POLA2: variants seen among roughly 807,000 people sequenced by gnomAD.
POLA2 encodes the protein DNA polymerase alpha 2, accessory subunit.
Under a neutral mutation model 82.8 loss-of-function variants are expected in POLA2, and 47 were observed. The ratio of observed to expected loss-of-function variants is 0.57; its 90% CI spans 0.45 to 0.72. The LOEUF (loss-of-function observed/expected upper bound fraction) is 0.72. POLA2 is among the 30% of genes least tolerant of loss of function. The probability of loss-of-function intolerance (pLI) is 0.00; values close to 1 mark genes in which losing one functional copy is unlikely to be tolerated. For missense variants in POLA2, 634 were observed against 728.1 expected (o/e 0.87, Z 1.49); for synonymous variants, 287 against 286.8 (o/e 1.00, Z -0.01).
chr11:65,282,837 C>T (rs1441686960), intron 10 of POLA2, among the ~76,000 whole-genome samples: 2 of 152,188 alleles, frequency 1.3e-5, no homozygotes, highest in East Asian at 3.9e-4. Context: ...AATTTATTTA[C>T]ATGCAGCATG....
chr11:65,273,955 T>C (rs1236547306), intron 4 of POLA2, among the ~76,000 whole-genome samples: 4 of 152,188 alleles, frequency 2.6e-5, no homozygotes, highest in Non-Finnish European at 1.5e-5. Context: ...GCCAAATCAC[T>C]TTTCACCTGA....
Position 65,266,562 on chromosome 11 carries a change from T to C in POLA2, c.80-20T>C. ...GAGAAATGAACTAAGTTTTTACTTG[T>C]CCAATTTTCCTTTCTACAGTGGTAG... is the stretch of plus-strand genomic sequence containing the variant. On this transcript the variant is annotated intron_variant, in intron 1 of 17. Transcript: ENST00000265465. 3 of 1,612,988 alleles carry C rather than the reference T, an allele frequency of 1.9e-6. No individual in the cohort carries two copies. Among genetic ancestry groups the C allele is most frequent in the Non-Finnish European group, 2.5e-6 (3 of 1,179,354 alleles).
intron 12 of POLA2, 110 bp downstream of exon 12, chr11:65,289,198 T>C: frequency 1.3e-6 from 1 of 794,890 alleles, no homozygotes; most frequent in Non-Finnish European, 2.0e-6. Context: ...TTAAGTCCTG[T>C]GGCTAATCAG....
At chr11:65,296,103 T>A in intron 17 of POLA2, 113 bp downstream of exon 17, 1 of 1,158,078 alleles carries the variant, frequency 8.6e-7, no homozygotes, top group Non-Finnish European at 1.3e-6. Context: ...ATGGGGCCTC[T>A]AGCACCCTGC....
chr11:65,300,076 C>A (rs1949851458), downstream of POLA2, among the ~76,000 whole-genome samples: 2 of 152,212 alleles, frequency 1.3e-5, no homozygotes, highest in Admixed American at 6.5e-5. Flanking sequence ...ATTTTCATCA[C>A]CCCAAAGGAA....
At chr11:65,285,052 T>A (rs1565483874) in intron 10 of POLA2, among the ~76,000 whole-genome samples, 1 of 152,100 alleles carries the variant, frequency 6.6e-6, no homozygotes, top group Admixed American at 6.6e-5. Context: ...GGAGGATTGC[T>A]TGACCACAGG....
chr11:65,296,967 A>G (rs980359644), intron 17 of POLA2, among the ~76,000 whole-genome samples, 153 bp from the exon 18 acceptor site: 3 of 151,224 alleles, frequency 2.0e-5, no homozygotes, highest in Admixed American at 1.3e-4. Flanking sequence ...AAAAAAAAAA[A>G]GTGACTGAAA....
chr11:65,273,694 A>C (rs1565473000), intron 4 of POLA2, among the ~76,000 whole-genome samples: 1 of 151,970 alleles, frequency 6.6e-6, no homozygotes, highest in Admixed American at 6.6e-5. Context: ...GGGTGTCACT[A>C]TGTTGCTCAG....
Position 65,281,129 on chromosome 11 carries a change from T to G in POLA2, c.882T>G (p.Tyr294Ter), listed in dbSNP as rs373645442. The G allele has an allele frequency of 6.2e-7, 1 of 1,614,040 alleles. No individual in the cohort carries two copies. Among genetic ancestry groups the G allele is most frequent in the African/African-American group, 1.3e-5 (1 of 74,934 alleles). ...TGGATTTATCTGAGCTTAAGGAATATTCTCTGTTTCCTGGACAGGTGAGAT... is the reference window on the plus strand; with the variant it reads ...TGGATTTATCTGAGCTTAAGGAATAGTCTCTGTTTCCTGGACAGGTGAGAT... ...IPVDLSELKE[Y>*]SLFPGQVVIM... The change falls in exon 8 of 18, where the codon TAT becomes TAG. Residue 294 changes from tyrosine to a stop codon, truncating the protein, a stop_gained. Coordinates refer to ENST00000265465, the MANE Select transcript of POLA2 (RefSeq NM_002689.4). LOFTEE classifies it high-confidence loss of function.
intron 13 of POLA2, 30 bp from the exon 14 acceptor site, chr11:65,294,123 A>G (rs775693017): frequency 6.3e-7 from 1 of 1,584,426 alleles, no homozygotes; most frequent in Admixed American, 1.7e-5. Flanking sequence ...CACTTTTCTC[A>G]CTCTTCTGTT....
chr11:65,275,604 T>C (rs1405827929), intron 4 of POLA2, among the ~76,000 whole-genome samples: 1 of 152,212 alleles, frequency 6.6e-6, no homozygotes, highest in Non-Finnish European at 1.5e-5. Flanking sequence ...AGTAAACATA[T>C]GAAGGATTTG....
rs533593862 is a variant in POLA2 at position 65,297,978 on chromosome 11, G to A, written c.*709G>A. On this transcript the variant is annotated 3_prime_UTR_variant, in exon 18 of 18. Coordinates refer to ENST00000265465, the MANE Select transcript of POLA2 (RefSeq NM_002689.4). ...TTCTTCTATTTTCTTTATCCTGGTA[G>A]TAGACAAAGAATGTTGCCTATTTGA... 1 of 152,584 alleles carries A rather than the reference G, an allele frequency of 6.6e-6. No homozygotes were observed. The highest frequency in any genetic ancestry group is 2.4e-5 in the African/African-American group (1 of 41,580). 9.5% of individuals were successfully genotyped at this position (152,584 alleles called of 1,614,324 possible). A position where few individuals can be genotyped will look rare whatever the true frequency, so the allele number is the denominator to read the frequency against.
In POLA2 at chr11:65,267,545, A is replaced by T; in HGVS notation, c.273A>T (p.Arg91Ser). The change falls in exon 3 of 18, where the codon AGA (arginine) becomes AGT (serine). Residue 91 changes from arginine to serine, a missense_variant. By Grantham distance (110) the Arg-to-Ser change is moderately radical. Transcript: ENST00000265465. ...TCKDSGHAGA[R>S]DIVSIQELIE... The stretch of plus-strand genomic sequence containing the variant: ...AGGACAGTGGCCATGCAGGAGCTAG[A>T]GACATTGTTTCCATTCAAGAGCTGT... The T allele has an allele frequency of 6.2e-7, 1 of 1,610,074 alleles. No individual in the cohort carries two copies. The highest frequency in any genetic ancestry group is 8.5e-7 in the Non-Finnish European group (1 of 1,177,286).
chr11:65,270,084 G>A (rs1396748065), intron 4 of POLA2, among the ~76,000 whole-genome samples: 3 of 152,184 alleles, frequency 2.0e-5, no homozygotes, highest in Non-Finnish European at 2.9e-5. Context: ...CACCTGCCTC[G>A]GCCTCCAAAG....
Position 65,262,024 on chromosome 11 carries a change from G to A in POLA2, c.-269G>A. On this transcript the variant is annotated 5_prime_UTR_variant, in exon 1 of 18. Coordinates refer to ENST00000265465, the MANE Select transcript of POLA2 (RefSeq NM_002689.4). ...TTTGGGAAGCAGGACGTTCTCACCAGGAGAGCGTCCTCTCGAGATTTCTGC... is the reference window on the plus strand; with the variant it reads ...TTTGGGAAGCAGGACGTTCTCACCAAGAGAGCGTCCTCTCGAGATTTCTGC... 1.9e-6 allele frequency: 1 copy of A among 532,588 alleles called. No homozygotes were observed. The highest frequency in any genetic ancestry group is 3.3e-6 in the Non-Finnish European group (1 of 300,834). 33.0% of individuals were successfully genotyped at this position (532,588 alleles called of 1,614,324 possible). A position where few individuals can be genotyped will look rare whatever the true frequency, so the allele number is the denominator to read the frequency against.
intron 13 of POLA2, among the ~76,000 whole-genome samples, chr11:65,292,956 G>C (rs673147): frequency 1.3e-5 from 2 of 152,050 alleles, no homozygotes; most frequent in African/African-American, 4.8e-5. Context: ...CCAAGGAAAC[G>C]GGGCTTTCTT....
At chr11:65,305,716 T>A (rs1248109906), downstream of POLA2, 3 of 233,170 alleles carry the variant, frequency 1.3e-5, no homozygotes, top group East Asian at 4.3e-4. Context: ...TGCATGTATC[T>A]TTTGCCCCCC....
intron 7 of POLA2, 125 bp from the exon 8 acceptor site, chr11:65,280,867 G>C (rs1949632626): frequency 3.2e-6 from 3 of 930,016 alleles, no homozygotes; most frequent in Non-Finnish European, 5.0e-6. Context: ...CAGGGTCAAA[G>C]CAATGCCCTG....
At chr11:65,283,795 C>G (rs1330602543) in intron 10 of POLA2, among the ~76,000 whole-genome samples, 1 of 151,982 alleles carries the variant, frequency 6.6e-6, no homozygotes, top group Admixed American at 6.6e-5. Flanking sequence ...CTTTAAAACC[C>G]TAGTGTTATG....
Sources: allele counts gnomAD v4.1 joint callset (sites outside exome capture counted in the v4.1 genomes callset), GRCh38; gene constraint gnomAD v4.1.1; transcripts MANE v1.5; gene names NCBI Gene and HGNC (gene_info 2026-07-23, HGNC 2026-07-21).